Variants in THSD7B observed in about 807,000 individuals in gnomAD.
THSD7B encodes the protein thrombospondin type 1 domain containing 7B, also known as thrombospondin type-1 domain-containing protein 7B.
In THSD7B, 138 loss-of-function variants were observed where a neutral mutation model predicts 213.6. The observed-to-expected ratio is 0.65, with a 90% CI of 0.56 to 0.74. THSD7B has a LOEUF of 0.74. THSD7B is among the 30% of genes least tolerant of loss of function. THSD7B has a pLI of 0.00. For missense variants in THSD7B, 1,931 were observed against 1,991.5 expected (o/e 0.97, Z 0.58); for synonymous variants, 742 against 687.0 (o/e 1.08, Z -1.25).
intron 15 of THSD7B, among the ~76,000 whole-genome samples, chr2:137,497,337 A>G (rs771989321): frequency 2.0e-5 from 3 of 152,158 alleles, no homozygotes; most frequent in African/African-American, 7.2e-5. Context: ...TCTTTCAACT[A>G]CAGTCTGGTA....
intron 15 of THSD7B, among the ~76,000 whole-genome samples, chr2:137,517,708 T>A (rs934568964): frequency 6.6e-6 from 1 of 152,202 alleles, no homozygotes; most frequent in South Asian, 2.1e-4. Flanking sequence ...TTGGGCCATA[T>A]GACTCAGCAT....
At chr2:136,942,911 A>G (rs540297061) in intron 2 of THSD7B, among the ~76,000 whole-genome samples, 2 of 152,256 alleles carry the variant, frequency 1.3e-5, no homozygotes, top group South Asian at 2.1e-4. Context: ...GTGAGAGAGG[A>G]CATCCCTGTC....
intron 12 of THSD7B, among the ~76,000 whole-genome samples, chr2:137,380,961 C>A (rs1248645015): frequency 4.6e-5 from 7 of 152,204 alleles, no homozygotes; most frequent in Admixed American, 4.6e-4. Context: ...ACGGTGTGTA[C>A]CCAGGCTCAC....
intron 12 of THSD7B, among the ~76,000 whole-genome samples, chr2:137,285,085 C>T (rs1015342988): frequency 4.6e-5 from 7 of 151,966 alleles, no homozygotes; most frequent in African/African-American, 9.7e-5. Context: ...TGGGTGCTCC[C>T]GTATTGGGTG....
At chr2:136,901,821 A>G (rs980355246) in intron 2 of THSD7B, among the ~76,000 whole-genome samples, 2 of 152,248 alleles carry the variant, frequency 1.3e-5, no homozygotes, top group Non-Finnish European at 2.9e-5. Flanking sequence ...AAAGCCAGCG[A>G]TGCATTAAAA....
intron 7 of THSD7B, among the ~76,000 whole-genome samples, chr2:137,203,960 C>T (rs1680930315): frequency 6.6e-6 from 1 of 152,006 alleles, no homozygotes; most frequent in Non-Finnish European, 1.5e-5. Flanking sequence ...ACAGACCACC[C>T]AGTGATAAAT....
chr2:137,393,969 G>C (rs1444342689), intron 12 of THSD7B, among the ~76,000 whole-genome samples: 4 of 137,334 alleles, frequency 2.9e-5, no homozygotes, highest in Admixed American at 2.2e-4. Flanking sequence ...CTTTTGAGAA[G>C]TGTCTGTTCA....
chr2:137,091,913 T>C (rs1573817655), intron 3 of THSD7B, among the ~76,000 whole-genome samples: 1 of 152,084 alleles, frequency 6.6e-6, no homozygotes, highest in Non-Finnish European at 1.5e-5. Context: ...TATTGCACAA[T>C]AGAAAGAGGT....
At chr2:137,238,415 A>C (rs1038549634) in intron 9 of THSD7B, among the ~76,000 whole-genome samples, 3 of 152,194 alleles carry the variant, frequency 2.0e-5, no homozygotes, top group Non-Finnish European at 2.9e-5. Context: ...TTAAAAATTA[A>C]TAAGGGACTT....
intron 12 of THSD7B, among the ~76,000 whole-genome samples, chr2:137,351,072 C>T (rs911036172): frequency 6.6e-6 from 1 of 151,856 alleles, no homozygotes; most frequent in African/African-American, 2.4e-5. Flanking sequence ...TAATCATTCA[C>T]ATCACCATTG....
chr2:137,358,991 T>C (rs1685196349), intron 12 of THSD7B, among the ~76,000 whole-genome samples: 2 of 152,190 alleles, frequency 1.3e-5, no homozygotes, highest in Admixed American at 1.3e-4. Context: ...CAAAAACACA[T>C]ATTCCTCAAC....
intron 1 of THSD7B, among the ~76,000 whole-genome samples, chr2:136,820,843 A>G (rs371387753): frequency 1.7e-4 from 26 of 152,260 alleles, no homozygotes; most frequent in East Asian, 1.2e-3. Context: ...TTTCAGCACT[A>G]AATATACCAG....
At chr2:137,170,205 G>C (rs79691878) in intron 6 of THSD7B, among the ~76,000 whole-genome samples, 1 of 152,056 alleles carries the variant, frequency 6.6e-6, no homozygotes, top group South Asian at 2.1e-4. Flanking sequence ...TAGCCTGGGT[G>C]GAAAGTGAAC....
intron 5 of THSD7B, among the ~76,000 whole-genome samples, chr2:137,133,634 C>A (rs1688780842): frequency 6.6e-6 from 1 of 152,074 alleles, no homozygotes; most frequent in Non-Finnish European, 1.5e-5. Flanking sequence ...AGCAGAAATT[C>A]ATTGTGAGTT....
chr2:137,584,084 CA>C (rs1334504034), intron 17 of THSD7B, among the ~76,000 whole-genome samples: 1 of 151,784 alleles, frequency 6.6e-6, no homozygotes, highest in Non-Finnish European at 1.5e-5. Context: ...CTAGGTATTT[CA>C]TTCTCTTTGA....
At chr2:137,338,360 A>G (rs992480893) in intron 12 of THSD7B, among the ~76,000 whole-genome samples, 8 of 151,970 alleles carry the variant, frequency 5.3e-5, no homozygotes, top group Non-Finnish European at 7.4e-5. Context: ...GCCATAGTCT[A>G]TTGATCACAG....
At chr2:137,362,955 A>G (rs561654121) in intron 12 of THSD7B, among the ~76,000 whole-genome samples, 2 of 152,232 alleles carry the variant, frequency 1.3e-5, no homozygotes, top group South Asian at 2.1e-4. Context: ...ACCACATCTC[A>G]CTTATTCCAA....
intron 15 of THSD7B, among the ~76,000 whole-genome samples, chr2:137,460,609 C>A (rs1200266719): frequency 6.6e-6 from 1 of 151,990 alleles, no homozygotes; most frequent in Non-Finnish European, 1.5e-5. Flanking sequence ...TTCCTAAACA[C>A]CTTATTTGGC....
intron 12 of THSD7B, among the ~76,000 whole-genome samples, chr2:137,279,973 G>A (rs1682968338): frequency 6.6e-6 from 1 of 152,240 alleles, no homozygotes; most frequent in African/African-American, 2.4e-5. Context: ...TCATGGGAAA[G>A]CCGGCTTGAG....
Sources: gnomAD v4.1 joint callset for allele counts (sites outside exome capture counted in the v4.1 genomes callset) on GRCh38, gnomAD v4.1.1 for gene constraint, MANE v1.5 for transcripts, NCBI Gene and HGNC (gene_info 2026-07-23, HGNC 2026-07-21) for gene names.